GRID1: variants seen among roughly 807,000 people sequenced by gnomAD.
GRID1 encodes glutamate ionotropic receptor delta type subunit 1.
In GRID1, 28 loss-of-function variants were observed where a neutral mutation model predicts 98.0. The observed-to-expected ratio is 0.29, with a 90% confidence interval of 0.21 to 0.39. The LOEUF is 0.39. Ranked by LOEUF, GRID1 falls within the 10% of genes least tolerant of loss-of-function variation. The pLI is 1.00. For synonymous variants in GRID1, 553 were observed against 538.5 expected (o/e 1.03, Z -0.37); for missense variants, 1,111 against 1,340.5 (o/e 0.83, Z 2.67).
intron 4 of GRID1, among the ~76,000 whole-genome samples, chr10:85,963,436 G>A (rs2131850403): frequency 6.6e-6 from 1 of 152,264 alleles, no homozygotes. Context: ...TCGCCACACA[G>A]TGGACAGGGT....
chr10:85,977,796 C>T (rs987205739), intron 4 of GRID1, among the ~76,000 whole-genome samples: 1 of 152,136 alleles, frequency 6.6e-6, no homozygotes, highest in Non-Finnish European at 1.5e-5. Flanking sequence ...AAGACCTCCC[C>T]GCCGACCCAG....
chr10:85,910,869 T>A (rs1057377287), intron 5 of GRID1, among the ~76,000 whole-genome samples: 1 of 152,206 alleles, frequency 6.6e-6, no homozygotes, highest in Non-Finnish European at 1.5e-5. Flanking sequence ...GAAGTCCTTT[T>A]GGCAGAGGCA....
chr10:85,681,192 C>T (rs1314548464), intron 12 of GRID1, among the ~76,000 whole-genome samples: 2 of 151,874 alleles, frequency 1.3e-5, no homozygotes, highest in Non-Finnish European at 2.9e-5. Flanking sequence ...ATGATGTGGC[C>T]CAATCTCATG....
At chr10:85,621,986 G>A (rs916513121) in intron 13 of GRID1, among the ~76,000 whole-genome samples, 3 of 152,134 alleles carry the variant, frequency 2.0e-5, no homozygotes, top group South Asian at 4.1e-4. Flanking sequence ...GGTATGTCAC[G>A]TTGAGGGAAA....
At chr10:85,646,090 TG>T (rs56928465) in intron 13 of GRID1, 3,643 of 150,594 alleles carry the variant, frequency 0.024, 109 homozygotes, top group African/African-American at 0.079. Flanking sequence ...CTGGAGTGGC[TG>T]GGGGGGCAGC....
intron 5 of GRID1, among the ~76,000 whole-genome samples, chr10:85,907,148 G>A (rs761075275): frequency 6.6e-6 from 1 of 152,146 alleles, no homozygotes; most frequent in Non-Finnish European, 1.5e-5. Flanking sequence ...GTCTCACTCT[G>A]TTGCCCAGGT....
At chr10:85,960,700 C>T (rs1019335634) in intron 4 of GRID1, among the ~76,000 whole-genome samples, 4 of 152,182 alleles carry the variant, frequency 2.6e-5, no homozygotes, top group African/African-American at 7.2e-5. Flanking sequence ...ACAATTGCCG[C>T]TACATGTTGG....
chr10:86,268,323 C>T (rs1847135714), intron 2 of GRID1, among the ~76,000 whole-genome samples: 1 of 152,226 alleles, frequency 6.6e-6, no homozygotes, highest in Non-Finnish European at 1.5e-5. Flanking sequence ...TCCAGCTTCC[C>T]GGTTCCTCTC....
chr10:85,760,063 G>A (rs1478133878), intron 8 of GRID1, among the ~76,000 whole-genome samples: 2 of 152,144 alleles, frequency 1.3e-5, no homozygotes, highest in African/African-American at 4.8e-5. Context: ...TAACAGTTGT[G>A]TTATTATGAA....
chr10:86,128,854 G>A (rs1419070302), intron 4 of GRID1, among the ~76,000 whole-genome samples: 1 of 152,082 alleles, frequency 6.6e-6, no homozygotes, highest in East Asian at 1.9e-4. Flanking sequence ...GCATGTTCTG[G>A]GTACCCATAC....
intron 2 of GRID1, among the ~76,000 whole-genome samples, chr10:86,279,134 G>C (rs571227298): frequency 6.6e-6 from 1 of 152,220 alleles, no homozygotes; most frequent in Non-Finnish European, 1.5e-5. Flanking sequence ...CTTTATAAAA[G>C]GAACCCTAGA....
chr10:86,172,597 T>A (rs72837103), intron 3 of GRID1, among the ~76,000 whole-genome samples: 21,861 of 152,144 alleles, frequency 0.14, 1,837 homozygotes, highest in Middle Eastern at 0.31. Context: ...CTATATTATA[T>A]GCATGTAATT....
chr10:86,119,224 A>G (rs893126167), intron 4 of GRID1, among the ~76,000 whole-genome samples: 11 of 152,124 alleles, frequency 7.2e-5, no homozygotes, highest in Non-Finnish European at 1.2e-4. Context: ...AGTTCCAGCT[A>G]CTTGGGAGGC....
intron 2 of GRID1, among the ~76,000 whole-genome samples, chr10:86,297,855 T>C (rs1847617859): frequency 6.6e-6 from 1 of 152,200 alleles, no homozygotes; most frequent in Non-Finnish European, 1.5e-5. Context: ...TCTCCGGGAA[T>C]CCAATGGGAG....
chr10:86,312,810 G>A (rs992907128), intron 2 of GRID1, among the ~76,000 whole-genome samples: 8 of 152,200 alleles, frequency 5.3e-5, no homozygotes, highest in Non-Finnish European at 1.2e-4. Context: ...CTGCAGTAGG[G>A]GGGTGTCAGT....
Position 86,136,616 on chromosome 10 carries a change from C to T in GRID1, c.726+2203G>A, listed in dbSNP as rs549599183. ...CACAAAGGGCCAGAGCCATCGTGGG[C>T]ACCCAAGAAACCTCAGCTTCCTCCC... is the stretch of plus-strand genomic sequence containing the variant. On this transcript the variant is annotated intron_variant, in intron 4 of 15. Coordinates refer to ENST00000327946, the MANE Select transcript of GRID1 (RefSeq NM_017551.3). Among the ~76,000 whole-genome samples, 11 of 152,358 alleles carry T rather than the reference C, an allele frequency of 7.2e-5. 1 individual carries two copies. In the South Asian group the frequency reaches 2.3e-3, roughly 32 times the overall value.
At chr10:85,911,344 C>G (rs1231210781) in intron 5 of GRID1, among the ~76,000 whole-genome samples, 1 of 151,978 alleles carries the variant, frequency 6.6e-6, no homozygotes, top group African/African-American at 2.4e-5. Context: ...TCCAAGTGGC[C>G]AAGTCAAGAG....
intron 2 of GRID1, among the ~76,000 whole-genome samples, chr10:86,356,833 G>C (rs1423643728): frequency 6.6e-6 from 1 of 152,244 alleles, no homozygotes; most frequent in South Asian, 2.1e-4. Flanking sequence ...TATCTGGGAA[G>C]AGGCAGGGCA....
At position 85,916,536 on chromosome 10, in the gene GRID1, C is replaced by G. The variant is rs993604704; in HGVS notation, c.727-297G>C. On this transcript the variant is annotated intron_variant, in intron 4 of 15. Coordinates refer to ENST00000327946, the MANE Select transcript of GRID1 (RefSeq NM_017551.3). This position sits in a 1 kb window ranked among gnomAD's most constrained non-coding sequence, Gnocchi z 4.0. ...CAGGCACAGGCACAGGCACAGCCCC[C>G]CTTCCCTAGGAATGCCTGCAAACAC... 6.6e-6 allele frequency among the ~76,000 whole-genome samples: 1 copy of G among 152,188 alleles called. No homozygotes were observed. Among genetic ancestry groups the G allele is most frequent in the Non-Finnish European group, 1.5e-5 (1 of 68,040 alleles).
Sources: gnomAD v4.1 joint callset for allele counts (sites outside exome capture counted in the v4.1 genomes callset) on GRCh38, gnomAD v4.1.1 for gene constraint, Gnocchi (gnomAD v3.1) non-coding constraint, MANE v1.5 for transcripts, NCBI Gene and HGNC (gene_info 2026-07-23, HGNC 2026-07-21) for gene names.